The following SGCD variants were observed in gnomAD, a reference collection of about 807,000 sequenced individuals.
SGCD encodes the protein delta-sarcoglycan.
In SGCD, 18 loss-of-function variants were observed where a neutral mutation model predicts 36.6. The observed-to-expected ratio is 0.49, with a 90% CI of 0.34 to 0.73. SGCD has a LOEUF of 0.73. SGCD is among the 30% of genes least tolerant of loss of function. The probability of loss-of-function intolerance (pLI) is 0.01; values close to 1 mark genes in which losing one functional copy is unlikely to be tolerated. For synonymous variants in SGCD, 133 were observed against 130.6 expected (o/e 1.02, Z -0.12); for missense variants, 387 against 346.7 (o/e 1.12, Z -0.92).
At chr5:156,677,422 A>G (rs1373361346) in intron 7 of SGCD, among the ~76,000 whole-genome samples, 1 of 152,042 alleles carries the variant, frequency 6.6e-6, no homozygotes, top group African/African-American at 2.4e-5. Flanking sequence ...AGGACAGAAA[A>G]CCAAACTATC....
At chr5:156,585,345 C>A (rs1760449783) in intron 4 of SGCD, among the ~76,000 whole-genome samples, 1 of 152,118 alleles carries the variant, frequency 6.6e-6, no homozygotes, top group African/African-American at 2.4e-5. Context: ...TCAGAGACAA[C>A]TTAAAGCATC....
intron 1 of SGCD, among the ~76,000 whole-genome samples, chr5:156,103,331 T>C (rs1378237643): frequency 1.4e-5 from 2 of 143,276 alleles, no homozygotes; most frequent in African/African-American, 5.5e-5. Context: ...CTGTGGATGA[T>C]GGTGATGAAT....
intron 3 of SGCD, among the ~76,000 whole-genome samples, chr5:156,266,172 G>T (rs1241702602): frequency 6.6e-6 from 1 of 152,090 alleles, no homozygotes. Flanking sequence ...TTTTAAATTG[G>T]AAAAAAGTAC....
intron 3 of SGCD, among the ~76,000 whole-genome samples, chr5:156,453,884 T>G (rs1225463478): frequency 6.6e-6 from 1 of 152,170 alleles, no homozygotes; most frequent in Non-Finnish European, 1.5e-5. Context: ...ACTTTATTTG[T>G]ACAAAATTCT....
the SGCD span, among the ~76,000 whole-genome samples, chr5:155,778,612 G>A: frequency 1.2e-5 from 1 of 83,038 alleles, no homozygotes; most frequent in Non-Finnish European, 2.4e-5. Flanking sequence ...AAGGCTACAC[G>A]TTTATTTTTA....
intron 1 of SGCD, among the ~76,000 whole-genome samples, chr5:156,081,743 G>A (rs916019883): frequency 1.3e-5 from 2 of 152,060 alleles, no homozygotes; most frequent in African/African-American, 4.8e-5. Context: ...TAAGGGCAAA[G>A]GGAAAACTTT....
At chr5:156,093,321 A>G (rs1037817471) in intron 1 of SGCD, among the ~76,000 whole-genome samples, 3 of 152,202 alleles carry the variant, frequency 2.0e-5, no homozygotes, top group Non-Finnish European at 2.9e-5. Context: ...TTTGGAAGCA[A>G]CATCCATTAA....
chr5:156,279,823 G>A (rs1766405146), intron 3 of SGCD, among the ~76,000 whole-genome samples: 1 of 152,106 alleles, frequency 6.6e-6, no homozygotes, highest in Admixed American at 6.6e-5. Context: ...CTACACAGAG[G>A]TGAGTACAGT....
At chr5:155,783,629 A>G in the SGCD span, among the ~76,000 whole-genome samples, 1 of 152,274 alleles carries the variant, frequency 6.6e-6, no homozygotes, top group South Asian at 2.1e-4. Context: ...ATGAAATTAA[A>G]CAACCTAGAA....
At chr5:155,981,910 G>A (rs549500146) in intron 1 of SGCD, among the ~76,000 whole-genome samples, 1 of 152,248 alleles carries the variant, frequency 6.6e-6, no homozygotes, top group Admixed American at 6.5e-5. Flanking sequence ...GTCAGGACAA[G>A]GTTTCACATC....
intron 3 of SGCD, among the ~76,000 whole-genome samples, chr5:156,347,425 A>G (rs1769007576): frequency 6.6e-6 from 1 of 152,224 alleles, no homozygotes; most frequent in South Asian, 2.1e-4. Flanking sequence ...TTGCATTTAA[A>G]GACATTTAAA....
At chr5:156,170,118 C>T (rs1336760599) in intron 3 of SGCD, among the ~76,000 whole-genome samples, 2 of 152,090 alleles carry the variant, frequency 1.3e-5, no homozygotes, top group East Asian at 1.9e-4. Flanking sequence ...AAGGGAGGCC[C>T]AGGCTTTGAC....
At chr5:155,844,215 C>A in the SGCD span, among the ~76,000 whole-genome samples, 6 of 152,148 alleles carry the variant, frequency 3.9e-5, no homozygotes, top group Non-Finnish European at 8.8e-5. Context: ...CACACCTCTT[C>A]GATTGGCTGG....
intron 1 of SGCD, among the ~76,000 whole-genome samples, chr5:155,919,630 C>T (rs191673630): frequency 6.6e-6 from 1 of 152,276 alleles, no homozygotes; most frequent in African/African-American, 2.4e-5. Context: ...TCCCTTTTAC[C>T]TTCTAAAATA....
intron 3 of SGCD, among the ~76,000 whole-genome samples, chr5:156,486,156 T>C (rs2127844290): frequency 6.6e-6 from 1 of 152,096 alleles, no homozygotes; most frequent in East Asian, 2.0e-4. Context: ...TCCACATTCC[T>C]GGAGCCCCAC....
intron 3 of SGCD, among the ~76,000 whole-genome samples, chr5:156,506,842 C>G (rs534827649): frequency 6.6e-6 from 1 of 152,256 alleles, no homozygotes; most frequent in South Asian, 2.1e-4. Flanking sequence ...CCTCTACAAA[C>G]TAAAATTCAG....
At chr5:156,362,247 T>C (rs1008008361) in intron 3 of SGCD, among the ~76,000 whole-genome samples, 62 of 152,344 alleles carry the variant, frequency 4.1e-4, no homozygotes, top group African/African-American at 1.3e-3. Context: ...ATTTGTATGG[T>C]GTGATGCTTA....
intron 6 of SGCD, among the ~76,000 whole-genome samples, chr5:156,612,355 G>A (rs886662816): frequency 1.3e-5 from 2 of 152,240 alleles, no homozygotes; most frequent in Admixed American, 6.5e-5. Context: ...AGTGATAGCT[G>A]TGATTATGCC....
chr5:156,359,974 C>A (rs1403303733), intron 3 of SGCD, among the ~76,000 whole-genome samples: 4 of 152,174 alleles, frequency 2.6e-5, no homozygotes, highest in Admixed American at 2.6e-4. Context: ...TTCTCAAATT[C>A]TTGGTTCATT....
Sources: allele counts gnomAD v4.1 joint callset (sites outside exome capture counted in the v4.1 genomes callset), GRCh38; gene constraint gnomAD v4.1.1; transcripts MANE v1.5; gene names NCBI Gene and HGNC (gene_info 2026-07-23, HGNC 2026-07-21).